PDPR: variants seen among roughly 807,000 people sequenced by gnomAD.
The protein encoded by PDPR is pyruvate dehydrogenase phosphatase regulatory subunit.
PDPR carries 50 observed loss-of-function variants against 102.2 expected under a neutral mutation model. The ratio of observed to expected loss-of-function variants is 0.49; its 90% CI spans 0.39 to 0.62. The LOEUF (loss-of-function observed/expected upper bound fraction) is 0.62, where lower values mean the gene tolerates loss of function less well. PDPR is among the 20% of genes least tolerant of loss of function. The pLI is 0.00. For missense variants in PDPR, 625 were observed against 1,098.2 expected, an observed-to-expected ratio of 0.57 and a Z score of 6.09; for synonymous variants, 259 against 406.0, an observed-to-expected ratio of 0.64 and a Z score of 4.35.
rs1317463298 is a variant in PDPR at position 70,117,283 on chromosome 16, G to A, written c.-33+2353G>A. Among the ~76,000 whole-genome samples the A allele has an allele frequency of 6.3e-5, 8 of 126,874 alleles. 1 individual carries two copies. In the East Asian group the frequency reaches 1.5e-3, roughly 24 times the overall value. The allele number at this position is 126,874 out of a possible 152,430, so 83.2% of individuals were successfully genotyped here. On this transcript the variant is annotated intron_variant, in intron 2 of 18. Transcript: ENST00000288050. Reference sequence around the variant, plus strand: ...TAATCCCAGCACTTTGGGAGGCCAAGGCAGGCGGATCACGAGGTCGGGAGA... The same window carrying A: ...TAATCCCAGCACTTTGGGAGGCCAAAGCAGGCGGATCACGAGGTCGGGAGA...
intron 3 of PDPR, among the ~76,000 whole-genome samples, chr16:70,122,798 G>A (rs1447222690): frequency 6.6e-6 from 1 of 151,974 alleles, no homozygotes; most frequent in African/African-American, 2.4e-5. Flanking sequence ...TTACTGTCAG[G>A]AAGAGATTTC....
chr16:70,141,094 C>T (rs1965666674), intron 11 of PDPR, among the ~76,000 whole-genome samples: 1 of 152,178 alleles, frequency 6.6e-6, no homozygotes, highest in African/African-American at 2.4e-5. Flanking sequence ...TGCTCTATTG[C>T]CCAGGCTGGA....
chr16:70,132,448 C>T (rs1247471314), intron 9 of PDPR, 148 bp downstream of exon 9: 2 of 715,424 alleles, frequency 2.8e-6, no homozygotes, highest in East Asian at 5.6e-5. Context: ...TTTGCCTGGT[C>T]TGAGGATGGA....
At chr16:70,126,133 ATTGT>A (rs1426980760) in intron 3 of PDPR, among the ~76,000 whole-genome samples, 1 of 152,266 alleles carries the variant, frequency 6.6e-6, no homozygotes, top group Non-Finnish European at 1.5e-5. Context: ...TTTCATTATG[ATTGT>A]TCCATTTTGG....
intron 9 of PDPR, among the ~76,000 whole-genome samples, chr16:70,134,405 T>C (rs183518699): frequency 6.6e-6 from 1 of 151,924 alleles, no homozygotes; most frequent in Admixed American, 6.6e-5. Context: ...TTTGTGTTTT[T>C]AGTAGAGATG....
At chr16:70,144,871 C>T (rs1966088143) in intron 15 of PDPR, among the ~76,000 whole-genome samples, 1 of 152,100 alleles carries the variant, frequency 6.6e-6, no homozygotes, top group Admixed American at 6.6e-5. Context: ...AGGAGAATCA[C>T]TTGAACCCAG....
chr16:70,125,645 T>A (rs1391173978), intron 3 of PDPR, among the ~76,000 whole-genome samples: 1 of 152,128 alleles, frequency 6.6e-6, no homozygotes, highest in Admixed American at 6.6e-5. Context: ...TTCTTTCTTT[T>A]TTTTTTTAAG....
At position 70,148,475 on chromosome 16, in the gene PDPR, G is replaced by C. The variant is rs1966420164; in HGVS notation, c.1974G>C (p.Val658=). 6.2e-7 allele frequency: 1 copy of C among 1,612,946 alleles called. No homozygotes were observed. The highest frequency in any genetic ancestry group is 1.1e-5 in the South Asian group (1 of 90,942). Residue 658 remains valine, a synonymous_variant, in exon 17 of 19, where the codon GTG becomes GTC. Transcript: ENST00000288050. The part of the protein sequence containing the change: ...FPSLFCKEMS[V]GYANGIRVMS... ...CTTTGTCCCTGCAGGAGATGAGTGT[G>C]GGCTATGCAAATGGGATCCGGGTGA...
At position 70,161,571 on chromosome 16, in the gene PDPR, T is replaced by G. The variant is rs1421968063; in HGVS notation, c.*4692T>G. ...AAGTGGTGAGCCATGGGTCTCTCCG[T>G]CAGCGCCTCCCTCCCCGCCACCACT... On this transcript the variant is annotated 3_prime_UTR_variant, in exon 19 of 19. Transcript: ENST00000288050. The G allele has an allele frequency of 6.5e-6, 1 of 152,900 alleles. No individual in the cohort carries two copies. Among genetic ancestry groups the G allele is most frequent in the Non-Finnish European group, 1.5e-5 (1 of 68,572 alleles). 9.5% of individuals were successfully genotyped at this position (152,900 alleles called of 1,614,324 possible). A position where few individuals can be genotyped will look rare whatever the true frequency, so the allele number is the denominator to read the frequency against.
chr16:70,115,437 C>T (rs1020996796), intron 2 of PDPR, among the ~76,000 whole-genome samples: 2 of 152,188 alleles, frequency 1.3e-5, no homozygotes, highest in Non-Finnish European at 2.9e-5. Context: ...GTGTTAATTT[C>T]TTAAACTTGC....
Position 70,157,094 on chromosome 16 carries a change from G to A in PDPR, c.*215G>A. On this transcript the variant is annotated 3_prime_UTR_variant, in exon 19 of 19. Coordinates refer to ENST00000288050, the MANE Select transcript of PDPR (RefSeq NM_017990.5). ...CTCCTCCTCCTAATATTCACTCTGG[G>A]CTCTTCTTCCCTTCCCACCCCTCAC... is the stretch of plus-strand genomic sequence containing the variant. 1.3e-6 allele frequency: 1 copy of A among 749,708 alleles called. No individual in the cohort carries two copies. Among genetic ancestry groups the A allele is most frequent in the Non-Finnish European group, 2.3e-6 (1 of 433,010 alleles). 46.4% of individuals were successfully genotyped at this position (749,708 alleles called of 1,614,324 possible). A position where few individuals can be genotyped will look rare whatever the true frequency, so the allele number is the denominator to read the frequency against.
intron 2 of PDPR, among the ~76,000 whole-genome samples, chr16:70,117,598 C>G (rs1461321850): frequency 1.3e-5 from 2 of 152,016 alleles, no homozygotes; most frequent in Non-Finnish European, 2.9e-5. Context: ...AGGAACCATG[C>G]CAGGAGGGAA....
chr16:70,141,604 C>T (rs1473065914), intron 11 of PDPR, among the ~76,000 whole-genome samples: 1 of 152,290 alleles, frequency 6.6e-6, no homozygotes, highest in Non-Finnish European at 1.5e-5. Context: ...TTCTTCTCTG[C>T]TATGAAGCTT....
intron 9 of PDPR, among the ~76,000 whole-genome samples, chr16:70,135,270 T>C (rs11861954): frequency 0.03 from 4,367 of 147,264 alleles, 69 homozygotes; most frequent in African/African-American, 0.11. Flanking sequence ...GGAGTTTCAC[T>C]CTATTGCCCA....
chr16:70,132,791 TTGTG>T (rs1321365479), intron 9 of PDPR, among the ~76,000 whole-genome samples: 5 of 152,230 alleles, frequency 3.3e-5, no homozygotes, highest in African/African-American at 1.2e-4. Flanking sequence ...ACCTAGCCCT[TTGTG>T]TGTGTTTAGT....
Position 70,159,480 on chromosome 16 carries a change from A to G in PDPR, c.*2601A>G, listed in dbSNP as rs1266934609. 6.5e-6 allele frequency: 1 copy of G among 152,718 alleles called. No homozygotes were observed. The allele number at this position is 152,718 out of a possible 1,614,324, so 9.5% of individuals were successfully genotyped here. On this transcript the variant is annotated 3_prime_UTR_variant, in exon 19 of 19. Coordinates refer to ENST00000288050, the MANE Select transcript of PDPR (RefSeq NM_017990.5). ...TGTTTATTCAGTGCCCCAAACACAG[A>G]TTTCTCTTCTAGCACTTTAGAGTTG...
intron 17 of PDPR, among the ~76,000 whole-genome samples, chr16:70,149,514 C>T (rs1464474976): frequency 2.0e-5 from 3 of 152,240 alleles, no homozygotes; most frequent in Non-Finnish European, 4.4e-5. Context: ...GGTCCACACA[C>T]CTCAGCCTCC....
intron 18 of PDPR, among the ~76,000 whole-genome samples, chr16:70,153,873 GTC>G (rs1966862103): frequency 6.6e-6 from 1 of 152,188 alleles, no homozygotes; most frequent in African/African-American, 2.4e-5. Flanking sequence ...GGCAAAACCC[GTC>G]TCTACTAAAA....
In PDPR at chr16:70,157,035, C is replaced by T. The variant is rs1021873893; in HGVS notation, c.*156C>T. 1 of 1,115,474 alleles carries T rather than the reference C, an allele frequency of 9.0e-7. No individual in the cohort carries two copies. Among genetic ancestry groups the T allele is most frequent in the African/African-American group, 1.6e-5 (1 of 63,780 alleles). 69.1% of individuals were successfully genotyped at this position (1,115,474 alleles called of 1,614,324 possible). ...AATTTTGAACTTGACCTACTTTAAA[C>T]TTTTTTGCTCTGCAGCCTTCCTTGC... On this transcript the variant is annotated 3_prime_UTR_variant, in exon 19 of 19. Transcript: ENST00000288050.
Sources: gnomAD v4.1 joint callset for allele counts (sites outside exome capture counted in the v4.1 genomes callset) on GRCh38, gnomAD v4.1.1 for gene constraint, MANE v1.5 for transcripts, NCBI Gene and HGNC (gene_info 2026-07-23, HGNC 2026-07-21) for gene names.